The following ST8SIA1 variants were observed in gnomAD, a reference collection of about 807,000 sequenced individuals.
The protein encoded by ST8SIA1 is alpha-N-acetylneuraminide alpha-2,8-sialyltransferase.
ST8SIA1 carries 16 observed loss-of-function variants against 35.9 expected under a neutral mutation model. The observed-to-expected ratio is 0.45, with a 90% confidence interval of 0.30 to 0.68. The LOEUF (loss-of-function observed/expected upper bound fraction) is 0.68, where lower values mean the gene tolerates loss of function less well. Among genes scored for constraint, ST8SIA1 ranks in the 30% least tolerant of loss-of-function variants. The pLI is 0.09. For synonymous variants in ST8SIA1, 170 were observed against 169.6 expected, an observed-to-expected ratio of 1.00 and a Z score of -0.02; for missense variants, 383 against 453.6, an observed-to-expected ratio of 0.84 and a Z score of 1.41.
intron 2 of ST8SIA1, among the ~76,000 whole-genome samples, chr12:22,274,725 T>G (rs1865949062): frequency 6.6e-6 from 1 of 152,216 alleles, no homozygotes; most frequent in African/African-American, 2.4e-5. Context: ...CCTTTCCTTC[T>G]TCCATCGCTG....
intron 4 of ST8SIA1, among the ~76,000 whole-genome samples, chr12:22,235,101 G>T (rs575876687): frequency 6.6e-6 from 1 of 152,220 alleles, no homozygotes; most frequent in East Asian, 1.9e-4. Context: ...ATTCAGATAT[G>T]AAAGCTACAG....
intron 4 of ST8SIA1, among the ~76,000 whole-genome samples, chr12:22,216,950 T>C (rs1673485242): frequency 6.6e-6 from 1 of 152,228 alleles, no homozygotes. Flanking sequence ...ATCACTGGCT[T>C]TTATGCAAGC....
At chr12:22,304,454 C>G (rs1156916749) in intron 1 of ST8SIA1, among the ~76,000 whole-genome samples, 1 of 151,104 alleles carries the variant, frequency 6.6e-6, no homozygotes, top group African/African-American at 2.4e-5. Flanking sequence ...AATGAGGAAC[C>G]TAAAATAGTT....
At chr12:22,312,347 C>T (rs1866460230) in intron 1 of ST8SIA1, among the ~76,000 whole-genome samples, 1 of 152,126 alleles carries the variant, frequency 6.6e-6, no homozygotes, top group Non-Finnish European at 1.5e-5. Context: ...GGAGGACCAC[C>T]TAGTAGCAAT....
intron 4 of ST8SIA1, among the ~76,000 whole-genome samples, chr12:22,209,366 G>A (rs1311443675): frequency 6.6e-6 from 1 of 152,110 alleles, no homozygotes; most frequent in Non-Finnish European, 1.5e-5. Flanking sequence ...TCCGAGATGA[G>A]GAAATTCAAA....
At position 22,202,042 on chromosome 12, in the gene ST8SIA1, T is replaced by A. The variant is rs766791960; in HGVS notation, c.585-4A>T. 6.4e-7 allele frequency: 1 copy of A among 1,561,474 alleles called. No individual in the cohort carries two copies. The highest frequency in any genetic ancestry group is 2.1e-5 in the Admixed American group (1 of 46,822). On this transcript the variant is annotated splice_polypyrimidine_tract_variant and splice_region_variant and intron_variant, in intron 4 of 4. Transcript: ENST00000396037. ...GGACCACAGAAGGTTCTGAAACCTA[T>A]TGAAGAAAAAAAAAACTGTTCAATT...
At chr12:22,243,262 C>T (rs1443990743) in intron 4 of ST8SIA1, among the ~76,000 whole-genome samples, 1 of 152,016 alleles carries the variant, frequency 6.6e-6, no homozygotes, top group African/African-American at 2.4e-5. Context: ...TTAGCATTTC[C>T]ACTGCACATC....
intron 2 of ST8SIA1, among the ~76,000 whole-genome samples, chr12:22,283,317 T>G (rs1866058846): frequency 6.6e-6 from 1 of 152,206 alleles, no homozygotes; most frequent in South Asian, 2.1e-4. Context: ...AGTTGTGGTT[T>G]CTAACATTCC....
chr12:22,322,757 T>C (rs1866617973), intron 1 of ST8SIA1, among the ~76,000 whole-genome samples: 1 of 152,174 alleles, frequency 6.6e-6, no homozygotes, highest in Non-Finnish European at 1.5e-5. Flanking sequence ...CCCAACAAAA[T>C]ATCATCATGG....
chr12:22,280,039 C>T (rs1018495382), intron 2 of ST8SIA1, among the ~76,000 whole-genome samples: 4 of 152,176 alleles, frequency 2.6e-5, no homozygotes, highest in Non-Finnish European at 4.4e-5. Context: ...TGTGCATAGT[C>T]ATACCTCTTG....
chr12:22,266,848 T>TATACACACAC (rs1555158440), intron 2 of ST8SIA1, among the ~76,000 whole-genome samples: 178 of 145,050 alleles, frequency 1.2e-3, no homozygotes, highest in African/African-American at 4.4e-3. Flanking sequence ...CACAAAAGTA[T>TATACACACAC]ACACACACAC....
At chr12:22,222,638 A>T (rs1008965999) in intron 4 of ST8SIA1, among the ~76,000 whole-genome samples, 2 of 151,946 alleles carry the variant, frequency 1.3e-5, no homozygotes, top group African/African-American at 4.8e-5. Flanking sequence ...ACACATATAC[A>T]TATATACATA....
chr12:22,223,658 A>T (rs1865325751), intron 4 of ST8SIA1: 4 of 1,169,546 alleles, frequency 3.4e-6, no homozygotes, highest in Non-Finnish European at 4.3e-6. Flanking sequence ...TCTGATTCTG[A>T]CTGATTCTGC....
Position 22,195,798 on chromosome 12 carries a change from T to A in ST8SIA1, c.*5754A>T, listed in dbSNP as rs369178586. ...TTTTCAGTTTGGTTAAACCTTTTTT[T>A]ATTACAATTTTCTGTTCGTAATGCT... On this transcript the variant is annotated 3_prime_UTR_variant, in exon 5 of 5. Coordinates refer to ENST00000396037, the MANE Select transcript of ST8SIA1 (RefSeq NM_003034.4). The A allele has an allele frequency of 5.9e-5, 9 of 152,332 alleles. No individual in the cohort carries two copies. In the East Asian group the frequency reaches 9.6e-4, roughly 16 times the overall value. 9.4% of individuals were successfully genotyped at this position (152,332 alleles called of 1,614,324 possible). A position where few individuals can be genotyped will look rare whatever the true frequency, so the allele number is the denominator to read the frequency against.
intron 2 of ST8SIA1, among the ~76,000 whole-genome samples, chr12:22,283,764 G>A (rs1180869404): frequency 6.6e-5 from 10 of 152,262 alleles, no homozygotes; most frequent in African/African-American, 1.7e-4. Context: ...AGACAGGAAC[G>A]CCCTTGACAG....
At chr12:22,257,513 C>A (rs763895889) in intron 2 of ST8SIA1, among the ~76,000 whole-genome samples, 3 of 151,582 alleles carry the variant, frequency 2.0e-5, no homozygotes, top group Admixed American at 1.3e-4. Context: ...AGCGAGCCAC[C>A]GCACCTGGCC....
chr12:22,320,880 G>GAGAA (rs571611452), intron 1 of ST8SIA1, among the ~76,000 whole-genome samples: 6 of 143,370 alleles, frequency 4.2e-5, no homozygotes, highest in African/African-American at 7.7e-5. Flanking sequence ...AAGAAAGAAA[G>GAGAA]AGAAAGAAAG....
chr12:22,314,300 T>C (rs893629082), intron 1 of ST8SIA1, among the ~76,000 whole-genome samples: 1 of 152,150 alleles, frequency 6.6e-6, no homozygotes, highest in Admixed American at 6.6e-5. Flanking sequence ...GGCCAAAATA[T>C]GTTAACCCAG....
In ST8SIA1 at chr12:22,194,986, C is replaced by T. The variant is rs1443484442; in HGVS notation, c.*6566G>A. 1 of 151,832 alleles carries T rather than the reference C, an allele frequency of 6.6e-6. No individual in the cohort carries two copies. Among genetic ancestry groups the T allele is most frequent in the Non-Finnish European group, 1.5e-5 (1 of 68,098 alleles). 9.4% of individuals were successfully genotyped at this position (151,832 alleles called of 1,614,324 possible). A position where few individuals can be genotyped will look rare whatever the true frequency, so the allele number is the denominator to read the frequency against. ...ATCACCTGAGGTCAGGAGTTCGGGA[C>T]CAGCCTGACCAATATGGAGAAACCC... On this transcript the variant is annotated 3_prime_UTR_variant, in exon 5 of 5. Transcript: ENST00000396037.
Sources: gnomAD v4.1 joint callset for allele counts (sites outside exome capture counted in the v4.1 genomes callset) on GRCh38, gnomAD v4.1.1 for gene constraint, MANE v1.5 for transcripts, NCBI Gene and HGNC (gene_info 2026-07-23, HGNC 2026-07-21) for gene names.